Variants in LGSN observed in about 807,000 individuals in gnomAD.
LGSN encodes lengsin, lens protein with glutamine synthetase domain, also known as lengsin.
In LGSN, 21 loss-of-function variants were observed where a neutral mutation model predicts 19.5. The ratio of observed to expected loss-of-function variants is 1.07; its 90% confidence interval spans 0.76 to 1.55. LGSN has a LOEUF of 1.55. LGSN is among the 40% of genes most tolerant of loss of function. The pLI is 0.00. For missense variants in LGSN, 673 were observed against 608.5 expected, an observed-to-expected ratio of 1.11 and a Z score of -1.12; for synonymous variants, 257 against 215.6, an observed-to-expected ratio of 1.19 and a Z score of -1.68.
At chr6:63,438,181 G>A in the LGSN span, among the ~76,000 whole-genome samples, 6 of 152,148 alleles carry the variant, frequency 3.9e-5, no homozygotes, top group Non-Finnish European at 5.9e-5. Context: ...GGGAGGCCAA[G>A]GTGGGTGGAT....
chr6:63,311,907 C>A (rs1768643107), intron 1 of LGSN, among the ~76,000 whole-genome samples: 1 of 152,138 alleles, frequency 6.6e-6, no homozygotes, highest in African/African-American at 2.4e-5. Context: ...TCACCACCCA[C>A]CCTCTGTTAA....
the LGSN span, among the ~76,000 whole-genome samples, chr6:63,495,373 C>A: frequency 6.6e-6 from 1 of 151,944 alleles, no homozygotes; most frequent in Middle Eastern, 3.2e-3. Context: ...CCTTCTGCCC[C>A]CGGAGCCTAT....
At chr6:63,286,545 T>C (rs1767543901) in intron 2 of LGSN, among the ~76,000 whole-genome samples, 1 of 152,192 alleles carries the variant, frequency 6.6e-6, no homozygotes, top group Non-Finnish European at 1.5e-5. Context: ...TACAATGAGT[T>C]ACTCCAAACC....
At chr6:63,287,316 T>C (rs140184891) in intron 2 of LGSN, among the ~76,000 whole-genome samples, 61 of 152,340 alleles carry the variant, frequency 4.0e-4, no homozygotes, top group African/African-American at 1.3e-3. Context: ...AACCTTGCTG[T>C]ATTCCCAACC....
At chr6:63,568,998 C>T in the LGSN span, among the ~76,000 whole-genome samples, 2 of 152,016 alleles carry the variant, frequency 1.3e-5, no homozygotes, top group Non-Finnish European at 2.9e-5. Context: ...GATATTGTCA[C>T]GTTTAATCTA....
the LGSN span, among the ~76,000 whole-genome samples, chr6:63,491,175 C>CA: frequency 6.6e-6 from 1 of 152,190 alleles, no homozygotes; most frequent in Non-Finnish European, 1.5e-5. Context: ...CTATGGTGAC[C>CA]ATGCTGATGA....
the LGSN span, among the ~76,000 whole-genome samples, chr6:63,328,679 G>GCT: frequency 1.3e-5 from 2 of 152,196 alleles, no homozygotes; most frequent in Non-Finnish European, 2.9e-5. Context: ...AGCTATCCTG[G>GCT]CTCTCTCTGT....
chr6:63,319,377 G>A (rs1768998465), intron 1 of LGSN, among the ~76,000 whole-genome samples: 1 of 152,224 alleles, frequency 6.6e-6, no homozygotes, highest in Admixed American at 6.5e-5. Flanking sequence ...AAATACAAGA[G>A]TGAAGGTTGG....
chr6:63,418,358 C>G, the LGSN span, among the ~76,000 whole-genome samples: 1 of 151,974 alleles, frequency 6.6e-6, no homozygotes, highest in Non-Finnish European at 1.5e-5. Flanking sequence ...GTCAAGAGAT[C>G]GAGACCATCC....
At chr6:63,419,306 G>A in the LGSN span, among the ~76,000 whole-genome samples, 6 of 152,282 alleles carry the variant, frequency 3.9e-5, no homozygotes, top group East Asian at 1.9e-4. Flanking sequence ...CTAATAAGGC[G>A]TCTGGTTGCA....
At chr6:63,512,774 A>G in the LGSN span, among the ~76,000 whole-genome samples, 4 of 152,220 alleles carry the variant, frequency 2.6e-5, no homozygotes, top group Admixed American at 2.6e-4. Flanking sequence ...ATTATACTCA[A>G]ACTAAAAATT....
the LGSN span, among the ~76,000 whole-genome samples, chr6:63,409,734 T>C: frequency 6.6e-6 from 1 of 152,200 alleles, no homozygotes. Context: ...TAAATATTTC[T>C]AGTCTTTAGT....
the LGSN span, among the ~76,000 whole-genome samples, chr6:63,509,677 G>A: frequency 1.3e-5 from 2 of 152,138 alleles, no homozygotes; most frequent in Non-Finnish European, 2.9e-5. Context: ...AACCTTAACC[G>A]TTTCAGTTCC....
intron 1 of LGSN, among the ~76,000 whole-genome samples, chr6:63,296,169 A>T (rs1475910921): frequency 6.6e-6 from 1 of 152,160 alleles, no homozygotes; most frequent in Non-Finnish European, 1.5e-5. Context: ...CATTGTTATT[A>T]TTGTTATATT....
the LGSN span, among the ~76,000 whole-genome samples, chr6:63,476,202 C>T: frequency 6.6e-6 from 1 of 152,098 alleles, no homozygotes; most frequent in Non-Finnish European, 1.5e-5. Flanking sequence ...TGAGATAGTG[C>T]TACCTCATAA....
chr6:63,489,032 A>G, the LGSN span, among the ~76,000 whole-genome samples: 1 of 152,210 alleles, frequency 6.6e-6, no homozygotes, highest in African/African-American at 2.4e-5. Flanking sequence ...GCAGATATCA[A>G]AGCAGGTAAA....
chr6:63,284,262 G>A (rs1257121482), intron 3 of LGSN, among the ~76,000 whole-genome samples: 1 of 152,092 alleles, frequency 6.6e-6, no homozygotes, highest in Admixed American at 6.5e-5. Context: ...TTGAGAAGGT[G>A]TATAATGAGT....
At chr6:63,290,201 C>T (rs1483490525) in intron 2 of LGSN, among the ~76,000 whole-genome samples, 1 of 152,046 alleles carries the variant, frequency 6.6e-6, no homozygotes, top group Admixed American at 6.6e-5. Flanking sequence ...ATTTTTAGTA[C>T]TGAAGGCCTA....
At chr6:63,506,265 T>G in the LGSN span, among the ~76,000 whole-genome samples, 603 of 144,130 alleles carry the variant, frequency 4.2e-3, 7 homozygotes, top group South Asian at 0.03. Context: ...GTTGTTGTTG[T>G]TGTTGTTGTT....
Sources: gnomAD v4.1 joint callset for allele counts (sites outside exome capture counted in the v4.1 genomes callset) on GRCh38, gnomAD v4.1.1 for gene constraint, MANE v1.5 for transcripts, NCBI Gene and HGNC (gene_info 2026-07-23, HGNC 2026-07-21) for gene names.